Variants in FMN2 observed in about 807,000 individuals in gnomAD.
FMN2 encodes formin-2.
In FMN2, 51 loss-of-function variants were observed where a neutral mutation model predicts 142.3. The observed-to-expected ratio is 0.36, with a 90% confidence interval of 0.29 to 0.45. FMN2 has a LOEUF of 0.45. Among genes scored for constraint, FMN2 ranks in the 20% least tolerant of loss-of-function variants. The pLI, the probability that FMN2 is intolerant of heterozygous loss-of-function variation, is 1.00. For missense variants in FMN2, 1,936 were observed against 2,122.8 expected (o/e 0.91, Z 1.73); for synonymous variants, 882 against 869.8 (o/e 1.01, Z -0.25).
At chr1:240,101,052 A>G (rs1340168082) in intron 1 of FMN2, among the ~76,000 whole-genome samples, 2 of 152,200 alleles carry the variant, frequency 1.3e-5, no homozygotes, top group South Asian at 2.1e-4. Context: ...AATGTGTTTC[A>G]GTAAGCTAGT....
chr1:240,190,894 A>G (rs1006354460), intron 4 of FMN2, among the ~76,000 whole-genome samples: 6 of 152,220 alleles, frequency 3.9e-5, no homozygotes, highest in African/African-American at 7.2e-5. Context: ...TAATTTTACT[A>G]ACTTTAGTGC....
At chr1:240,426,492 G>A (rs1674939831) in intron 15 of FMN2, among the ~76,000 whole-genome samples, 2 of 152,072 alleles carry the variant, frequency 1.3e-5, no homozygotes, top group South Asian at 4.1e-4. Context: ...ATGCACTTGT[G>A]ATTTTTAAAA....
At chr1:240,445,415 G>A (rs938386620) in intron 16 of FMN2, among the ~76,000 whole-genome samples, 4 of 152,208 alleles carry the variant, frequency 2.6e-5, no homozygotes, top group African/African-American at 9.6e-5. Flanking sequence ...AGGTTGGTCA[G>A]AGGAGGCCTT....
chr1:240,250,354 G>C (rs1488534729), intron 6 of FMN2, among the ~76,000 whole-genome samples: 2 of 151,994 alleles, frequency 1.3e-5, no homozygotes, highest in East Asian at 3.9e-4. Flanking sequence ...TGATCATATG[G>C]CTTTTGTTTT....
intron 14 of FMN2, among the ~76,000 whole-genome samples, chr1:240,385,963 G>T (rs1673393849): frequency 6.6e-6 from 1 of 152,146 alleles, no homozygotes; most frequent in African/African-American, 2.4e-5. Context: ...GCAAAAGTCA[G>T]GTTGACATTT....
In FMN2 at chr1:240,447,514, G is replaced by A. The variant is rs1675866681; in HGVS notation, c.5060+9304G>A. Among the ~76,000 whole-genome samples the A allele has an allele frequency of 2.0e-5, 3 of 152,202 alleles. No individual in the cohort carries two copies. In the South Asian group the frequency reaches 6.2e-4, roughly 31 times the overall value. On this transcript the variant is annotated intron_variant, in intron 16 of 17. Coordinates refer to ENST00000319653, the MANE Select transcript of FMN2 (RefSeq NM_020066.5). ...AGATATACTTCATACTCACTAGGAA[G>A]GCTGTGGTAAAAAACACAGACAGTA...
intron 6 of FMN2, among the ~76,000 whole-genome samples, chr1:240,213,706 A>G (rs546877122): frequency 1.4e-4 from 21 of 152,336 alleles, no homozygotes; most frequent in Admixed American, 8.5e-4. Flanking sequence ...ATTTCAAGCA[A>G]TTCTTCTTAT....
intron 4 of FMN2, among the ~76,000 whole-genome samples, chr1:240,197,004 GTTAAGTGTC>G (rs1477154640): frequency 6.6e-6 from 1 of 152,140 alleles, no homozygotes; most frequent in Non-Finnish European, 1.5e-5. Context: ...CTTCGAAGAG[GTTAAGTGTC>G]TTTTTATATG....
chr1:240,242,558 A>G (rs1321071804), intron 6 of FMN2, among the ~76,000 whole-genome samples: 1 of 152,184 alleles, frequency 6.6e-6, no homozygotes, highest in Admixed American at 6.5e-5. Context: ...GAGGAACAAC[A>G]TCCAGATGAT....
chr1:240,422,598 C>G (rs1171556798), intron 15 of FMN2, among the ~76,000 whole-genome samples: 1 of 152,126 alleles, frequency 6.6e-6, no homozygotes, highest in African/African-American at 2.4e-5. Context: ...TGACTTGTGT[C>G]CTGCAACCTT....
At chr1:240,194,742 C>T (rs1665848835) in intron 4 of FMN2, among the ~76,000 whole-genome samples, 1 of 152,192 alleles carries the variant, frequency 6.6e-6, no homozygotes, top group Non-Finnish European at 1.5e-5. Context: ...TGGGATGCAG[C>T]CTTTAGTTGG....
intron 2 of FMN2, among the ~76,000 whole-genome samples, chr1:240,157,210 A>AATAT (rs1350971874): frequency 1.3e-5 from 2 of 152,200 alleles, no homozygotes; most frequent in African/African-American, 4.8e-5. Context: ...AGAGGCTTAT[A>AATAT]ACTTTAACGT....
At chr1:240,205,416 C>T in intron 4 of FMN2, among the ~76,000 whole-genome samples, 1 of 149,084 alleles carries the variant, frequency 6.7e-6, no homozygotes. Context: ...ATCTGTTATT[C>T]ATATTAAATA....
intron 15 of FMN2, among the ~76,000 whole-genome samples, chr1:240,399,650 C>T (rs1328115213): frequency 3.9e-5 from 6 of 152,194 alleles, no homozygotes; most frequent in African/African-American, 7.2e-5. Context: ...TTATTGCAGA[C>T]GTTCTGTTCC....
intron 16 of FMN2, among the ~76,000 whole-genome samples, chr1:240,468,206 A>ATATGTGTGTGTG (rs374934885): frequency 0.071 from 10,542 of 147,884 alleles, 485 homozygotes; most frequent in South Asian, 0.092. Flanking sequence ...ATATATATAT[A>ATATGTGTGTGTG]TGTGTGTGTG....
rs1298384598 is a variant in FMN2 at position 240,231,329 on chromosome 1, A to G, written c.4065+20094A>G. 2.3e-5 allele frequency among the ~76,000 whole-genome samples: 3 copies of G among 132,642 alleles called. 1 individual carries two copies. Among genetic ancestry groups the G allele is most frequent in the Admixed American group, 2.1e-4 (3 of 13,976 alleles). 87.0% of individuals were successfully genotyped at this position (132,642 alleles called of 152,430 possible). On this transcript the variant is annotated intron_variant, in intron 6 of 17. Coordinates refer to ENST00000319653, the MANE Select transcript of FMN2 (RefSeq NM_020066.5). ...TGAAAATGTATTTCGCTATGTTTCT[A>G]CCAATGTGAACAAAGCTTGACTGTA...
chr1:240,099,400 T>C (rs1661335430), intron 1 of FMN2, among the ~76,000 whole-genome samples: 1 of 151,268 alleles, frequency 6.6e-6, no homozygotes, highest in Non-Finnish European at 1.5e-5. Context: ...AGATATTCTG[T>C]GGTGGGGGGT....
chr1:240,466,610 ACT>A (rs1327412263), intron 16 of FMN2, among the ~76,000 whole-genome samples: 1 of 151,990 alleles, frequency 6.6e-6, no homozygotes, highest in Non-Finnish European at 1.5e-5. Context: ...AGCATCACAA[ACT>A]CTGTCATTAC....
At chr1:240,147,276 C>T (rs115586516) in intron 2 of FMN2, among the ~76,000 whole-genome samples, 6 of 152,100 alleles carry the variant, frequency 3.9e-5, no homozygotes, top group South Asian at 4.2e-4. Context: ...GTTTTGTAAG[C>T]GGCAGAAGAT....
Sources: gnomAD v4.1 joint callset for allele counts (sites outside exome capture counted in the v4.1 genomes callset) on GRCh38, gnomAD v4.1.1 for gene constraint, MANE v1.5 for transcripts, NCBI Gene and HGNC (gene_info 2026-07-23, HGNC 2026-07-21) for gene names.